Variants in PGLS observed in about 807,000 individuals in gnomAD.
The protein encoded by PGLS is epididymis secretory protein Li 304.
PGLS carries 21 observed loss-of-function variants against 23.2 expected under a neutral mutation model. The observed-to-expected ratio is 0.91, with a 90% CI of 0.64 to 1.31. The LOEUF is 1.31. Among genes scored for constraint, PGLS ranks in the 50% most tolerant of loss-of-function variants. The pLI is 0.00. For synonymous variants in PGLS, 179 were observed against 165.4 expected, an observed-to-expected ratio of 1.08 and a Z score of -0.63; for missense variants, 410 against 354.0, an observed-to-expected ratio of 1.16 and a Z score of -1.27.
Position 17,511,771 on chromosome 19 carries a change from C to A in PGLS, c.99C>A (p.Cys33Ter). ...TGGTGGCCCAGCGCGCAGCATGCTG[C>A]CTGGCAGGGGCCCGCGCCCGTTTCG... ...AQLVAQRAAC[C>*]LAGARARFAL... The change falls in exon 1 of 5, where the codon TGC becomes TGA. Residue 33 changes from cysteine (C) to a stop codon, truncating the protein, a stop_gained. Transcript: ENST00000252603. LOFTEE classifies it high-confidence loss of function. The A allele has an allele frequency of 1.3e-6, 2 of 1,499,082 alleles. No homozygotes were observed. Among genetic ancestry groups the A allele is most frequent in the South Asian group, 1.3e-5 (1 of 79,972 alleles). The allele number at this position is 1,499,082 out of a possible 1,614,324, so 92.9% of individuals were successfully genotyped here.
intron 1 of PGLS, among the ~76,000 whole-genome samples, chr19:17,513,513 A>AT (rs2075519338): frequency 3.9e-5 from 1 of 25,864 alleles, no homozygotes; most frequent in African/African-American, 2.2e-4. Context: ...TCTTAAAGAT[A>AT]AAAAAAAAAA....
chr19:17,511,756 G>T lies in PGLS; in HGVS notation c.84G>T (p.Gln28His), dbSNP rs966032445. Residue 28 changes from glutamine to histidine, a missense_variant, in exon 1 of 5, where the codon CAG becomes CAT. Physicochemically the swap from Gln to His is conservative, Grantham distance 24. Coordinates refer to ENST00000252603, the MANE Select transcript of PGLS (RefSeq NM_012088.3). The part of the protein sequence containing the change: ...LGAALAQLVA[Q>H]RAACCLAGAR... ...CGGCGCTAGCGCAGCTGGTGGCCCA[G>T]CGCGCAGCATGCTGCCTGGCAGGGG... 1.2e-5 allele frequency: 18 copies of T among 1,500,410 alleles called. No homozygotes were observed. Among genetic ancestry groups the T allele is most frequent in the Non-Finnish European group, 1.5e-5 (17 of 1,132,404 alleles). The allele number at this position is 1,500,410 out of a possible 1,614,324, so 92.9% of individuals were successfully genotyped here. A position where few individuals can be genotyped will look rare whatever the true frequency, so the allele number is the denominator to read the frequency against.
intron 1 of PGLS, among the ~76,000 whole-genome samples, chr19:17,514,099 C>T (rs772557636): frequency 1.3e-5 from 2 of 152,172 alleles, no homozygotes; most frequent in Non-Finnish European, 2.9e-5. Context: ...ACAAACTGAG[C>T]GGCTTAAAGC....
At chr19:17,514,705 T>A (rs1029679095) in intron 1 of PGLS, among the ~76,000 whole-genome samples, 1 of 151,570 alleles carries the variant, frequency 6.6e-6, no homozygotes, top group Admixed American at 6.6e-5. Flanking sequence ...CAGGCTGGAG[T>A]GCAATGGCGC....
chr19:17,512,090 G>C, intron 1 of PGLS, 130 bp downstream of exon 1: 1 of 983,086 alleles, frequency 1.0e-6, no homozygotes. Context: ...GGCTACGGGG[G>C]CCACTGGGTA....
chr19:17,518,009 G>GAAAAAAAAAAAA (rs67260410), intron 4 of PGLS, among the ~76,000 whole-genome samples, 159 bp downstream of exon 4: 1 of 136,154 alleles, frequency 7.3e-6, no homozygotes, highest in Non-Finnish European at 1.6e-5. Flanking sequence ...AGAAAAAAAG[G>GAAAAAAAAAAAA]AAAAAAAAAA....
intron 4 of PGLS, among the ~76,000 whole-genome samples, chr19:17,519,291 G>T (rs900694929): frequency 3.4e-5 from 5 of 145,972 alleles, no homozygotes; most frequent in Non-Finnish European, 7.5e-5. Flanking sequence ...TCCAGCCTGG[G>T]CGACAAGAAC....
At position 17,518,009 on chromosome 19, in the gene PGLS, GAAAA is replaced by G. The variant is rs67260410; in HGVS notation, c.639+172_639+175del. Reference sequence around the variant, plus strand: ...CTTGAAATTGCAATTAGAAAAAAAGGAAAAAAAAAAAAAAAACCCCAGAAAATTG... The same window carrying G: ...CTTGAAATTGCAATTAGAAAAAAAGGAAAAAAAAAAAACCCCAGAAAATTG... On this transcript the variant is annotated intron_variant, in intron 4 of 4. Transcript: ENST00000252603. 3.6e-3 allele frequency among the ~76,000 whole-genome samples: 496 copies of G among 136,160 alleles called. 6 individuals carry two copies. The highest frequency in any genetic ancestry group is 0.012 in the African/African-American group (471 of 38,344). The allele number at this position is 136,160 out of a possible 152,430, so 89.3% of individuals were successfully genotyped here.
At chr19:17,517,184 C>G in intron 2 of PGLS, 104 bp from the exon 3 acceptor site, 1 of 751,926 alleles carries the variant, frequency 1.3e-6, no homozygotes, top group South Asian at 1.6e-5. Flanking sequence ...TGCCCAGCCA[C>G]AGCTACTTGT....
At position 17,517,165 on chromosome 19, in the gene PGLS, G is replaced by A. The variant is rs929647100; in HGVS notation, c.397-123G>A. ...CCCAAAGTGCTGGGATTTCAGGTGTGAGCCACCATGCCCAGCCACAGCTAC... is the reference window on the plus strand; with the variant it reads ...CCCAAAGTGCTGGGATTTCAGGTGTAAGCCACCATGCCCAGCCACAGCTAC... On this transcript the variant is annotated intron_variant, in intron 2 of 4. Coordinates refer to ENST00000252603, the MANE Select transcript of PGLS (RefSeq NM_012088.3). 7.2e-6 allele frequency: 5 copies of A among 694,444 alleles called. No homozygotes were observed. In the East Asian group the frequency reaches 1.1e-4, roughly 15 times the overall value. 43.0% of individuals were successfully genotyped at this position (694,444 alleles called of 1,614,324 possible).
intron 3 of PGLS, 118 bp downstream of exon 3, chr19:17,517,507 C>A: frequency 1.0e-6 from 1 of 971,192 alleles, no homozygotes; most frequent in Non-Finnish European, 1.6e-6. Context: ...TCAAGTCAGC[C>A]TCCACCAACA....
intron 1 of PGLS, chr19:17,513,298 G>A (rs573662672): frequency 6.6e-6 from 1 of 152,204 alleles, no homozygotes; most frequent in Admixed American, 6.5e-5. Flanking sequence ...GGGAGGCTGA[G>A]GCGGGCGGAT....
At chr19:17,513,960 G>C (rs975653250) in intron 1 of PGLS, among the ~76,000 whole-genome samples, 2 of 152,226 alleles carry the variant, frequency 1.3e-5, no homozygotes, top group Admixed American at 6.5e-5. Context: ...TGGTCAAGCT[G>C]TGGCAAGAGG....
chr19:17,517,440 C>A (rs768240599), intron 3 of PGLS, 51 bp downstream of exon 3: 2 of 1,392,332 alleles, frequency 1.4e-6, no homozygotes, highest in Non-Finnish European at 2.0e-6. Flanking sequence ...CAGTCCCTAA[C>A]ATCTGGGACT....
intron 4 of PGLS, among the ~76,000 whole-genome samples, chr19:17,518,138 T>A (rs2075542178): frequency 6.6e-6 from 1 of 151,996 alleles, no homozygotes; most frequent in Admixed American, 6.6e-5. Flanking sequence ...CAAATGCATT[T>A]AAAAAAAATT....
chr19:17,520,407 G>A (rs969620107), intron 4 of PGLS: 2 of 151,970 alleles, frequency 1.3e-5, no homozygotes, highest in African/African-American at 4.8e-5. Flanking sequence ...TTAGCCAGGT[G>A]TGGTGGGAGG....
In PGLS at chr19:17,521,137, C is replaced by G; in HGVS notation, c.*56C>G. The stretch of plus-strand genomic sequence containing the variant: ...GGCACGCGGCCCATGGGGCTGGGCC[C>G]CTGCTGGCCGCCACTCTCCGGGCTC... On this transcript the variant is annotated 3_prime_UTR_variant, in exon 5 of 5. Coordinates refer to ENST00000252603, the MANE Select transcript of PGLS (RefSeq NM_012088.3). The G allele has an allele frequency of 6.8e-7, 1 of 1,462,478 alleles. No individual in the cohort carries two copies. Among genetic ancestry groups the G allele is most frequent in the Non-Finnish European group, 9.1e-7 (1 of 1,098,576 alleles). The allele number at this position is 1,462,478 out of a possible 1,614,324, so 90.6% of individuals were successfully genotyped here.
Position 17,511,683 on chromosome 19 carries a change from C to G in PGLS, c.11C>G (p.Pro4Arg), listed in dbSNP as rs1599686349. 2 of 1,490,774 alleles carry G rather than the reference C, an allele frequency of 1.3e-6. No homozygotes were observed. Among genetic ancestry groups the G allele is most frequent in the South Asian group, 2.5e-5 (2 of 80,384 alleles). 92.3% of individuals were successfully genotyped at this position (1,490,774 alleles called of 1,614,324 possible). MAA[P>R]APGLISVFSS... is the part of the protein sequence containing the mutation. ...GCCGCCGCCCTCGCCATGGCCGCGC[C>G]GGCCCCGGGCCTCATCTCGGTGTTC... Residue 4 changes from proline (P) to arginine (R), a missense_variant, in exon 1 of 5, where the codon CCG becomes CGG. Coordinates refer to ENST00000252603, the MANE Select transcript of PGLS (RefSeq NM_012088.3).
Position 17,511,847 on chromosome 19 carries a change from C to G in PGLS, c.175C>G (p.Pro59Ala). The G allele has an allele frequency of 6.5e-7, 1 of 1,530,722 alleles. No homozygotes were observed. Among genetic ancestry groups the G allele is most frequent in the Non-Finnish European group, 8.8e-7 (1 of 1,142,174 alleles). The allele number at this position is 1,530,722 out of a possible 1,614,324, so 94.8% of individuals were successfully genotyped here. The change falls in exon 1 of 5, where the codon CCC becomes GCC. Residue 59 changes from proline to alanine, a missense_variant. Coordinates refer to ENST00000252603, the MANE Select transcript of PGLS (RefSeq NM_012088.3). ...CGTCTCGATGCTAGCCCGCGAGCTA[C>G]CCGCCGCCGTCGCCCCTGCCGGGCC... ...SLVSMLARELPAAVAPAGPAS... is the reference protein window; with the variant it reads ...SLVSMLARELAAAVAPAGPAS...
Sources: allele counts gnomAD v4.1 joint callset (sites outside exome capture counted in the v4.1 genomes callset), GRCh38; gene constraint gnomAD v4.1.1; transcripts MANE v1.5; gene names NCBI Gene and HGNC (gene_info 2026-07-23, HGNC 2026-07-21).